NTN1: variants seen among roughly 807,000 people sequenced by gnomAD.
The protein encoded by NTN1 is netrin-1.
In NTN1, 11 loss-of-function variants were observed where a neutral mutation model predicts 54.2. The observed-to-expected ratio is 0.20, with a 90% CI of 0.13 to 0.34. The LOEUF (loss-of-function observed/expected upper bound fraction) is 0.34, where lower values mean the gene tolerates loss of function less well. Ranked by LOEUF, NTN1 falls within the 10% of genes least tolerant of loss-of-function variation. The pLI, the probability that NTN1 is intolerant of heterozygous loss-of-function variation, is 1.00. For synonymous variants in NTN1, 371 were observed against 382.0 expected, an observed-to-expected ratio of 0.97 and a Z score of 0.33; for missense variants, 740 against 893.1, an observed-to-expected ratio of 0.83 and a Z score of 2.18.
chr17:9,112,837 A>C (rs2092197074), intron 2 of NTN1, among the ~76,000 whole-genome samples: 1 of 133,052 alleles, frequency 7.5e-6, no homozygotes, highest in Admixed American at 7.4e-5. Context: ...AAAAAAAAAA[A>C]AAAAATGCAC....
chr17:9,119,106 C>A (rs1280758080), intron 2 of NTN1, among the ~76,000 whole-genome samples: 1 of 152,220 alleles, frequency 6.6e-6, no homozygotes, highest in African/African-American at 2.4e-5. Flanking sequence ...TTCCCACCAG[C>A]AATGTATGCG....
chr17:9,185,131 C>T (rs189497727), intron 5 of NTN1, among the ~76,000 whole-genome samples: 1 of 152,200 alleles, frequency 6.6e-6, no homozygotes, highest in Non-Finnish European at 1.5e-5. Flanking sequence ...ACCTGCGCTG[C>T]CCTACTCTGG....
intron 2 of NTN1, among the ~76,000 whole-genome samples, chr17:9,071,072 C>T (rs746157339): frequency 5.3e-5 from 8 of 152,166 alleles, no homozygotes; most frequent in Admixed American, 2.6e-4. Context: ...TCCCATTGCC[C>T]GCAGACCTCA....
chr17:9,209,645 C>A (rs1027451818), intron 5 of NTN1, among the ~76,000 whole-genome samples: 1 of 152,164 alleles, frequency 6.6e-6, no homozygotes, highest in African/African-American at 2.4e-5. Flanking sequence ...CCCTGGGCAG[C>A]ACTTGGTGGG....
At chr17:9,199,357 G>GAC (rs1904722117) in intron 5 of NTN1, among the ~76,000 whole-genome samples, 2 of 152,206 alleles carry the variant, frequency 1.3e-5, no homozygotes, top group Non-Finnish European at 2.9e-5. Context: ...GGCCAGGCTG[G>GAC]TCTTGAAGTC....
At chr17:9,236,941 A>C (rs1038612195) in intron 6 of NTN1, among the ~76,000 whole-genome samples, 1 of 152,046 alleles carries the variant, frequency 6.6e-6, no homozygotes. Context: ...GACCCCAGGG[A>C]GTGAGAAGGC....
chr17:9,097,502 G>A (rs1272304438), intron 2 of NTN1, among the ~76,000 whole-genome samples: 1 of 152,156 alleles, frequency 6.6e-6, no homozygotes, highest in Non-Finnish European at 1.5e-5. Flanking sequence ...GCATGTGCCT[G>A]TAATCCCAGC....
chr17:9,239,143 C>T lies in NTN1; in HGVS notation c.1487-497C>T, dbSNP rs1906098206. ...CAAAGGGTGGGTTCTCATCTTCTGT[C>T]CCTGAGCATTGAGGACCCATTATGG... On this transcript the variant is annotated intron_variant, in intron 6 of 6. Transcript: ENST00000173229. The surrounding 1 kb of genome is among the most constrained non-coding windows in gnomAD (Gnocchi z 5.2). Among the ~76,000 whole-genome samples the T allele has an allele frequency of 1.3e-5, 2 of 152,194 alleles. No homozygotes were observed. Among genetic ancestry groups the T allele is most frequent in the South Asian group, 2.1e-4 (1 of 4,824 alleles).
the NTN1 span, among the ~76,000 whole-genome samples, chr17:9,004,710 G>A: frequency 3.6e-5 from 5 of 138,812 alleles, no homozygotes; most frequent in Non-Finnish European, 7.9e-5. Flanking sequence ...TGAAGCTCCA[G>A]ACTCTGGATT....
intron 2 of NTN1, among the ~76,000 whole-genome samples, chr17:9,146,512 TCAGTCCTGAAA>T (rs1283738711): frequency 1.3e-5 from 2 of 152,206 alleles, no homozygotes; most frequent in African/African-American, 4.8e-5. Context: ...ACCTTGGTCC[TCAGTCCTGAAA>T]CAAGCAGCCA....
Position 9,212,545 on chromosome 17 carries a change from GA to G in NTN1, c.1412-8620del, listed in dbSNP as rs1454054069. On this transcript the variant is annotated intron_variant, in intron 5 of 6. Coordinates refer to ENST00000173229, the MANE Select transcript of NTN1 (RefSeq NM_004822.3). This position sits in a 1 kb window ranked among gnomAD's most constrained non-coding sequence, Gnocchi z 5.5. ...TGCTGGTGGGCAGAATGGCCCAGCC[GA>G]AATGGACAGAGCTGGCTGGGTGCCC... is the stretch of plus-strand genomic sequence containing the variant. Among the ~76,000 whole-genome samples the G allele has an allele frequency of 6.6e-6, 1 of 152,220 alleles. No individual in the cohort carries two copies. The highest frequency in any genetic ancestry group is 1.5e-5 in the Non-Finnish European group (1 of 68,034).
upstream of NTN1, among the ~76,000 whole-genome samples, chr17:9,019,299 A>C (rs913837348): frequency 1.3e-5 from 2 of 152,234 alleles, no homozygotes; most frequent in African/African-American, 4.8e-5. Flanking sequence ...TTGTCTTTTT[A>C]TGCATACTTT....
At chr17:9,019,357 T>C (rs1373327859), upstream of NTN1, among the ~76,000 whole-genome samples, 2 of 152,248 alleles carry the variant, frequency 1.3e-5, no homozygotes, top group African/African-American at 4.8e-5. Context: ...ATTTGCTTTT[T>C]TCATATTATA....
intron 2 of NTN1, among the ~76,000 whole-genome samples, chr17:9,081,438 A>G (rs2092070734): frequency 6.6e-6 from 1 of 152,038 alleles, no homozygotes; most frequent in Non-Finnish European, 1.5e-5. Flanking sequence ...TCCCCATGTG[A>G]TGTTCCATTT....
At chr17:9,094,571 C>A (rs2092123828) in intron 2 of NTN1, among the ~76,000 whole-genome samples, 1 of 152,020 alleles carries the variant, frequency 6.6e-6, no homozygotes, top group South Asian at 2.1e-4. Flanking sequence ...TGGCAAATTG[C>A]TTGTCAGATA....
Position 9,158,119 on chromosome 17 carries a change from G to A in NTN1, c.1019-4694G>A, listed in dbSNP as rs564209339. Among the ~76,000 whole-genome samples the A allele has an allele frequency of 2.6e-5, 4 of 152,324 alleles. No homozygotes were observed. The South Asian group carries it at 6.2e-4, about 24-fold the overall frequency. ...AAATACTTTGCAGAAGTCTGAGCATGGGCATTTGCCACTTGATGTCTCCTG... is the reference window on the plus strand; with the variant it reads ...AAATACTTTGCAGAAGTCTGAGCATAGGCATTTGCCACTTGATGTCTCCTG... On this transcript the variant is annotated intron_variant, in intron 2 of 6. Coordinates refer to ENST00000173229, the MANE Select transcript of NTN1 (RefSeq NM_004822.3).
intron 2 of NTN1, among the ~76,000 whole-genome samples, chr17:9,155,889 A>C (rs889794892): frequency 6.6e-6 from 1 of 152,122 alleles, no homozygotes; most frequent in Non-Finnish European, 1.5e-5. Context: ...CTCCCCAGTC[A>C]TGATAACCAA....
rs1905334878 is a variant in NTN1, at chr17:9,221,144, T to TC, written c.1412-24_1412-23insC. ...CGCCAGCCTAATTAGTTTTTGTCTG[T>TC]GCTCCCCCCCCACCCCCCTGCAGAC... On this transcript the variant is annotated intron_variant, in intron 5 of 6. Transcript: ENST00000173229. This position sits in a 1 kb window ranked among gnomAD's most constrained non-coding sequence, Gnocchi z 4.5. 1 of 1,518,086 alleles carries TC rather than the reference T, an allele frequency of 6.6e-7. No individual in the cohort carries two copies. The highest frequency in any genetic ancestry group is 1.7e-5 in the African/African-American group (1 of 59,078). The allele number at this position is 1,518,086 out of a possible 1,614,324, so 94.0% of individuals were successfully genotyped here.
intron 2 of NTN1, among the ~76,000 whole-genome samples, chr17:9,080,299 CG>C (rs2092066459): frequency 6.6e-6 from 1 of 152,214 alleles, no homozygotes; most frequent in Non-Finnish European, 1.5e-5. Context: ...GCTCAGGCCT[CG>C]TCTGTCTCCC....
Sources: allele counts gnomAD v4.1 joint callset (sites outside exome capture counted in the v4.1 genomes callset), GRCh38; gene constraint gnomAD v4.1.1; non-coding constraint Gnocchi (gnomAD v3.1); transcripts MANE v1.5; gene names NCBI Gene and HGNC (gene_info 2026-07-23, HGNC 2026-07-21).